Variants in RYR2 observed in about 807,000 individuals in gnomAD.
The protein encoded by RYR2 is ryanodine receptor 2, also known as cardiac muscle ryanodine receptor-calcium release channel.
In RYR2, 227 loss-of-function variants were observed where a neutral mutation model predicts 601.1. That is an observed-to-expected ratio of 0.38 (90% CI 0.34 to 0.42). The LOEUF (loss-of-function observed/expected upper bound fraction) is 0.42. Among genes scored for constraint, RYR2 ranks in the 10% least tolerant of loss-of-function variants. The pLI, the probability that RYR2 is intolerant of heterozygous loss-of-function variation, is 1.00. For synonymous variants in RYR2, 2,223 were observed against 2,175.1 expected (o/e 1.02, Z -0.61); for missense variants, 4,646 against 6,156.5 (o/e 0.75, Z 8.21).
intron 1 of RYR2, among the ~76,000 whole-genome samples, chr1:237,210,001 A>G (rs1365882296): frequency 2.6e-5 from 4 of 152,228 alleles, no homozygotes; most frequent in African/African-American, 4.8e-5. Context: ...GGAGAACACA[A>G]CAATACAGAC....
intron 3 of RYR2, among the ~76,000 whole-genome samples, chr1:237,339,351 T>C (rs930027891): frequency 6.6e-6 from 1 of 152,190 alleles, no homozygotes; most frequent in African/African-American, 2.4e-5. Flanking sequence ...ATTAATGCTA[T>C]TGTTAAAAGT....
intron 8 of RYR2, among the ~76,000 whole-genome samples, chr1:237,385,250 A>G (rs912418202): frequency 1.9e-4 from 29 of 152,324 alleles, no homozygotes; most frequent in African/African-American, 5.5e-4. Flanking sequence ...TATCACATGT[A>G]GCCCATAAAT....
At chr1:237,628,899 A>G (rs1478812277) in intron 41 of RYR2, among the ~76,000 whole-genome samples, 4 of 152,102 alleles carry the variant, frequency 2.6e-5, no homozygotes, top group African/African-American at 4.8e-5. Flanking sequence ...AAGAAGGGGT[A>G]GGGGGAACAA....
chr1:237,567,691 A>G (rs541984446), intron 28 of RYR2, among the ~76,000 whole-genome samples: 21 of 152,208 alleles, frequency 1.4e-4, no homozygotes, highest in African/African-American at 5.1e-4. Flanking sequence ...AGATTTTTTT[A>G]AAGTCTTCTT....
intron 4 of RYR2, among the ~76,000 whole-genome samples, chr1:237,362,535 G>C (rs1699864404): frequency 6.6e-6 from 1 of 151,910 alleles, no homozygotes; most frequent in East Asian, 1.9e-4. Flanking sequence ...TTCTTTTTCT[G>C]TTTGTTGCTT....
intron 1 of RYR2, among the ~76,000 whole-genome samples, chr1:237,109,346 T>A (rs1433150888): frequency 3.5e-5 from 1 of 28,718 alleles, no homozygotes; most frequent in African/African-American, 5.4e-5. Flanking sequence ...GTAAAGCTGG[T>A]TTTTTTTTTA....
At chr1:237,322,756 G>A (rs1232426405) in intron 2 of RYR2, among the ~76,000 whole-genome samples, 1 of 151,528 alleles carries the variant, frequency 6.6e-6, no homozygotes, top group Non-Finnish European at 1.5e-5. Flanking sequence ...AGTTATTGCT[G>A]ATCCTTGTTA....
rs77038865 is a variant in RYR2 at position 237,185,647 on chromosome 1, C to T, written c.49-84850C>T. Among the ~76,000 whole-genome samples, 995 of 152,234 alleles carry T rather than the reference C, an allele frequency of 6.5e-3. 39 individuals are homozygous for T. In the East Asian group the frequency reaches 0.071, roughly 11 times the overall value. On this transcript the variant is annotated intron_variant, in intron 1 of 104. Coordinates refer to ENST00000366574, the MANE Select transcript of RYR2 (RefSeq NM_001035.3). ...ACACAGAGGATAAGATTCCCTTCCT[C>T]ATAACCTCCTGGTCTGGTTGGGACA...
chr1:237,651,908 G>A (rs1682790410), intron 51 of RYR2, among the ~76,000 whole-genome samples: 1 of 152,124 alleles, frequency 6.6e-6, no homozygotes, highest in Non-Finnish European at 1.5e-5. Context: ...GTGGTGGTGG[G>A]TGCCTGTAGG....
At chr1:237,467,933 A>G (rs1371984066) in intron 16 of RYR2, among the ~76,000 whole-genome samples, 1 of 146,776 alleles carries the variant, frequency 6.8e-6, no homozygotes, top group African/African-American at 2.6e-5. Flanking sequence ...ATCTTGGCTC[A>G]CTGCAACATC....
At chr1:237,805,691 A>G (rs1294071996) in intron 98 of RYR2, among the ~76,000 whole-genome samples, 2 of 111,056 alleles carry the variant, frequency 1.8e-5, no homozygotes, top group Non-Finnish European at 3.7e-5. Flanking sequence ...TTTAATTGAC[A>G]TATTCATGGG....
At chr1:237,743,277 C>T (rs934823581) in intron 80 of RYR2, among the ~76,000 whole-genome samples, 1 of 152,132 alleles carries the variant, frequency 6.6e-6, no homozygotes, top group African/African-American at 2.4e-5. Context: ...TTCCAGGATG[C>T]ATTTGTTATG....
Position 237,733,774 on chromosome 1 carries a change from C to A in RYR2, c.11091+18C>A. On this transcript the variant is annotated intron_variant, in intron 79 of 104. Coordinates refer to ENST00000366574, the MANE Select transcript of RYR2 (RefSeq NM_001035.3). The stretch of plus-strand genomic sequence containing the variant: ...TGGCAAAGGTAAATAAGTATCCTTC[C>A]TGATTTTCATGTTTAATTTTAATAA... The A allele has an allele frequency of 6.6e-7, 1 of 1,521,734 alleles. No individual in the cohort carries two copies. The highest frequency in any genetic ancestry group is 2.3e-5 in the East Asian group (1 of 44,414). 94.3% of individuals were successfully genotyped at this position (1,521,734 alleles called of 1,614,324 possible).
chr1:237,808,308 C>G (rs941925337), intron 99 of RYR2, among the ~76,000 whole-genome samples: 2 of 152,024 alleles, frequency 1.3e-5, no homozygotes, highest in African/African-American at 2.4e-5. Context: ...AATTTACAGT[C>G]ATAACAAAAA....
chr1:237,660,894 G>A lies in RYR2; in HGVS notation c.8383G>A (p.Gly2795Arg). The A allele has an allele frequency of 6.5e-7, 1 of 1,535,606 alleles. No homozygotes were observed. Among genetic ancestry groups the A allele is most frequent in the Non-Finnish European group, 8.8e-7 (1 of 1,137,802 alleles). The change falls in exon 56 of 105, where the codon GGA (glycine) becomes AGA (arginine). Residue 2795 changes from glycine to arginine, a missense_variant. Gly to Arg is a moderately radical substitution (Grantham distance 125). Around this residue, in one of 17 missense-constraint regions of RYR2, gnomAD observed 1,497 missense variants for 1,842.6 expected, o/e 0.81. Coordinates refer to ENST00000366574, the MANE Select transcript of RYR2 (RefSeq NM_001035.3). The part of the protein sequence containing the change: ...WGWRIERTRE[G>R]DSMALYNRTR... ...CTGGAGAATTGAAAGAACTCGGGAGGGAGACAGCATGGCCCTTTACAACCG... is the reference window on the plus strand; with the variant it reads ...CTGGAGAATTGAAAGAACTCGGGAGAGAGACAGCATGGCCCTTTACAACCG...
Position 237,678,087 on chromosome 1 carries a change from A to T in RYR2, c.8870A>T (p.Glu2957Val). 2 of 1,604,954 alleles carry T rather than the reference A, an allele frequency of 1.2e-6. No homozygotes were observed. The change falls in exon 61 of 105, where the codon GAA (glutamate) becomes GTA (valine). Residue 2957 changes from glutamate (E) to valine (V), a missense_variant. Transcript: ENST00000366574. ...GGCAAAGGAGAACATTTCCCTTATG[A>T]ACAAGAAATCAAGTTCTTTGCAAAA... is the stretch of plus-strand genomic sequence containing the variant. ...SRGKGEHFPY[E>V]QEIKFFAKVV...
chr1:237,291,538 G>T (rs1692189303), intron 2 of RYR2, among the ~76,000 whole-genome samples: 1 of 152,160 alleles, frequency 6.6e-6, no homozygotes, highest in Non-Finnish European at 1.5e-5. Context: ...AAGCAACCAA[G>T]ATGTCCATCA....
At chr1:237,048,502 A>G (rs543288755) in intron 1 of RYR2, among the ~76,000 whole-genome samples, 65 of 151,660 alleles carry the variant, frequency 4.3e-4, no homozygotes, top group Admixed American at 2.8e-3. Flanking sequence ...CCTCGTGTCC[A>G]TCTCCCAGCC....
intron 6 of RYR2, among the ~76,000 whole-genome samples, chr1:237,373,040 T>G (rs1017077074): frequency 6.6e-6 from 1 of 152,200 alleles, no homozygotes; most frequent in African/African-American, 2.4e-5. Flanking sequence ...TACTTGTTAT[T>G]GAAAAAATTA....
Sources: gnomAD v4.1 joint callset for allele counts (sites outside exome capture counted in the v4.1 genomes callset) on GRCh38, gnomAD v4.1.1 for gene constraint, gnomAD v4.1.1 regional missense constraint, MANE v1.5 for transcripts, NCBI Gene and HGNC (gene_info 2026-07-23, HGNC 2026-07-21) for gene names.